STC2: variants seen among roughly 807,000 people sequenced by gnomAD.
STC2 encodes stanniocalcin 2.
A neutral mutation model predicts 22.7 loss-of-function variants in STC2; 7 were observed. The ratio of observed to expected loss-of-function variants is 0.31; its 90% CI spans 0.18 to 0.58. The LOEUF (loss-of-function observed/expected upper bound fraction) is 0.58, where lower values mean the gene tolerates loss of function less well. Ranked by LOEUF, STC2 falls within the 20% of genes least tolerant of loss-of-function variation. The pLI is 0.89. For synonymous variants in STC2, 158 were observed against 163.4 expected (o/e 0.97, Z 0.25); for missense variants, 336 against 406.2 (o/e 0.83, Z 1.48).
intron 1 of STC2, among the ~76,000 whole-genome samples, chr5:173,326,288 T>A (rs1400876962): frequency 6.6e-6 from 1 of 152,204 alleles, no homozygotes; most frequent in Admixed American, 6.5e-5. Flanking sequence ...CTCCTTTTCA[T>A]CCTTTCCATT....
intron 3 of STC2, chr5:173,322,867 C>T: frequency 3.6e-6 from 1 of 276,516 alleles, no homozygotes; most frequent in Non-Finnish European, 7.0e-6. Flanking sequence ...TAGCAATTTG[C>T]TGTCTGTAAG....
Position 173,328,347 on chromosome 5 carries a change from AG to A in STC2, c.-155del. On this transcript the variant is annotated 5_prime_UTR_variant, in exon 1 of 4. Transcript: ENST00000265087. ...CTCCTCGCGGCCGCGGCTCGGATAG[AG>A]GTTACCCAGCGCCCTCCCGTAGCTC... is the stretch of plus-strand genomic sequence containing the variant. 1 of 782,900 alleles carries A rather than the reference AG, an allele frequency of 1.3e-6. No homozygotes were observed. Among genetic ancestry groups the A allele is most frequent in the Non-Finnish European group, 1.8e-6 (1 of 550,242 alleles). 48.5% of individuals were successfully genotyped at this position (782,900 alleles called of 1,614,324 possible).
In STC2 at chr5:173,317,853, C is replaced by T; in HGVS notation, c.903G>A (p.Arg301=). The part of the protein sequence containing the change: ...EDEQSEYSDI[R]R ...CGTGGCCAGGCCTTTCATTTCACCT[C>T]CGGATATCAGAATACTCAGACTGTT... The change falls in exon 4 of 4, where the codon CGG becomes CGA. Residue 301 remains arginine (R), a synonymous_variant. Transcript: ENST00000265087. 6.4e-7 allele frequency: 1 copy of T among 1,560,354 alleles called. No homozygotes were observed.
In STC2 at chr5:173,323,267, G is replaced by C; in HGVS notation, c.458C>G (p.Thr153Ser). The C allele has an allele frequency of 6.2e-7, 1 of 1,614,186 alleles. No homozygotes were observed. Among genetic ancestry groups the C allele is most frequent in the Non-Finnish European group, 8.5e-7 (1 of 1,180,038 alleles). Residue 153 changes from threonine (T) to serine (S), a missense_variant, in exon 3 of 4, where the codon ACC (threonine) becomes AGC (serine). This residue lies in a region of STC2 where 215 missense variants were observed against 231.5 expected (regional missense o/e 0.93). Transcript: ENST00000265087. The surrounding 1 kb of genome is among the most constrained non-coding windows in gnomAD (Gnocchi z 5.4). ...ATGGATCATCTCCACTATCACCCGG[G>C]TGTTCTCCTGGGCAGCCGCGCACAG... is the stretch of plus-strand genomic sequence containing the variant. ...HDLCAAAQENTRVIVEMIHFK... is the reference protein window; with the variant it reads ...HDLCAAAQENSRVIVEMIHFK...
intron 3 of STC2, 45 bp from the exon 4 acceptor site, chr5:173,318,294 GA>G: frequency 2.9e-6 from 4 of 1,370,530 alleles, no homozygotes; most frequent in South Asian, 2.2e-5. Context: ...GAGAGAGAGA[GA>G]GAGAGGCTGG....
chr5:173,325,971 C>G lies in STC2; in HGVS notation c.191G>C (p.Gly64Ala). 1 of 1,614,148 alleles carries G rather than the reference C, an allele frequency of 6.2e-7. No homozygotes were observed. The highest frequency in any genetic ancestry group is 1.3e-5 in the African/African-American group (1 of 75,030). Residue 64 changes from glycine to alanine, a missense_variant, in exon 2 of 4, where the codon GGG (glycine) becomes GCG (alanine). This residue lies in a region of STC2 where 99 missense variants were observed against 122.7 expected (regional missense o/e 0.81). Transcript: ENST00000265087. The surrounding 1 kb of genome is among the most constrained non-coding windows in gnomAD (Gnocchi z 4.7). ...CTCGAAACATTCAAACACGCCACAC[C>G]CCACATCGCCAGCGTTGACCAAACA... The part of the protein sequence containing the change: ...QHCLVNAGDV[G>A]CGVFECFENN...
chr5:173,319,386 T>G (rs1762461208), intron 3 of STC2, among the ~76,000 whole-genome samples: 1 of 152,232 alleles, frequency 6.6e-6, no homozygotes, highest in Non-Finnish European at 1.5e-5. Context: ...TAGGCAGTCC[T>G]CGCTGGCAAA....
In STC2 at chr5:173,315,203, C is replaced by T. The variant is rs1018764452; in HGVS notation, c.*2644G>A. The T allele has an allele frequency of 6.6e-6, 1 of 152,090 alleles. No homozygotes were observed. The highest frequency in any genetic ancestry group is 2.4e-5 in the African/African-American group (1 of 41,478). 9.4% of individuals were successfully genotyped at this position (152,090 alleles called of 1,614,324 possible). On this transcript the variant is annotated 3_prime_UTR_variant, in exon 4 of 4. Transcript: ENST00000265087. ...AGTAAATTTGTATGCAGTATAAAGC[C>T]CAAGTAGAGGGTGTATTTTTAATGA... is the stretch of plus-strand genomic sequence containing the variant.
In STC2 at chr5:173,317,389, C is replaced by T. The variant is rs1435315556; in HGVS notation, c.*458G>A. The stretch of plus-strand genomic sequence containing the variant: ...TCTAAGCGATATTTATTTTTACATT[C>T]ACTCCTGTCCTGGAATCCAGCCGCC... On this transcript the variant is annotated 3_prime_UTR_variant, in exon 4 of 4. Transcript: ENST00000265087. 6.5e-6 allele frequency: 1 copy of T among 153,752 alleles called. No individual in the cohort carries two copies. The highest frequency in any genetic ancestry group is 1.4e-5 in the Non-Finnish European group (1 of 69,032). The allele number at this position is 153,752 out of a possible 1,614,324, so 9.5% of individuals were successfully genotyped here.
intron 2 of STC2, among the ~76,000 whole-genome samples, chr5:173,324,658 G>C (rs1306352518): frequency 1.3e-5 from 2 of 152,206 alleles, no homozygotes; most frequent in Non-Finnish European, 2.9e-5. Context: ...AACTTGAAAG[G>C]GATGTCTCTA....
chr5:173,318,737 G>T (rs934862159), intron 3 of STC2, among the ~76,000 whole-genome samples: 1 of 152,178 alleles, frequency 6.6e-6, no homozygotes, highest in African/African-American at 2.4e-5. Flanking sequence ...AAACCATGAA[G>T]GTTTAGGACC....
At chr5:173,321,117 G>C (rs935437606) in intron 3 of STC2, among the ~76,000 whole-genome samples, 1 of 151,948 alleles carries the variant, frequency 6.6e-6, no homozygotes, top group African/African-American at 2.4e-5. Context: ...AGGCTGGGGT[G>C]GGGGGTCATA....
chr5:173,318,090 G>T lies in STC2; in HGVS notation c.666C>A (p.Pro222=), dbSNP rs575175711. 3.7e-6 allele frequency: 6 copies of T among 1,607,576 alleles called. No individual in the cohort carries two copies. In the African/African-American group the frequency reaches 8.0e-5, roughly 22 times the overall value. Residue 222 remains proline (P), a synonymous_variant, in exon 4 of 4, where the codon CCC becomes CCA. Coordinates refer to ENST00000265087, the MANE Select transcript of STC2 (RefSeq NM_003714.3). ...TGTCCACCTGGGGCTGGCGCTCGGG[G>T]GGCGCCGTGGGAGGCTTCTGGATGG... ...TSAIQKPPTA[P]PERQPQVDRT... is the part of the protein sequence containing the mutation.
In STC2 at chr5:173,323,076, A is replaced by T; in HGVS notation, c.506+143T>A. 1.3e-6 allele frequency: 1 copy of T among 742,358 alleles called. No individual in the cohort carries two copies. Among genetic ancestry groups the T allele is most frequent in the Non-Finnish European group, 2.3e-6 (1 of 436,746 alleles). The allele number at this position is 742,358 out of a possible 1,614,324, so 46.0% of individuals were successfully genotyped here. ...AGGAAAGGGGCCTTTTAGTAGAGTCAGTGTAGCTTTCTGAAGTAAATGGAA... is the reference window on the plus strand; with the variant it reads ...AGGAAAGGGGCCTTTTAGTAGAGTCTGTGTAGCTTTCTGAAGTAAATGGAA... On this transcript the variant is annotated intron_variant, in intron 3 of 3. Coordinates refer to ENST00000265087, the MANE Select transcript of STC2 (RefSeq NM_003714.3). The surrounding 1 kb of genome is among the most constrained non-coding windows in gnomAD (Gnocchi z 5.4).
Position 173,328,075 on chromosome 5 carries a change from T to C in STC2, c.119A>G (p.Gln40Arg), listed in dbSNP as rs1196261289. 6.3e-7 allele frequency: 1 copy of C among 1,592,846 alleles called. No homozygotes were observed. The highest frequency in any genetic ancestry group is 8.5e-7 in the Non-Finnish European group (1 of 1,170,204). Residue 40 changes from glutamine (Q) to arginine (R), a missense_variant, in exon 1 of 4, where the codon CAG (glutamine) becomes CGG (arginine). Gln to Arg is a conservative substitution (Grantham distance 43). Transcript: ENST00000265087. Reference protein sequence around the residue: ...PPEGPQDRSSQQKGRLSLQNT... With the variant: ...PPEGPQDRSSRQKGRLSLQNT... Reference sequence around the variant, plus strand: ...CTGCAGGGACAGGCGGCCTTTCTGCTGGGAGCTCCTGTCTTGGGGACCCTC... The same window carrying C: ...CTGCAGGGACAGGCGGCCTTTCTGCCGGGAGCTCCTGTCTTGGGGACCCTC...
At position 173,317,801 on chromosome 5, in the gene STC2, AAAATGGACGGCGTGGAGG is replaced by A; in HGVS notation, c.*28_*45del. 6.6e-7 allele frequency: 1 copy of A among 1,515,542 alleles called. No individual in the cohort carries two copies. The highest frequency in any genetic ancestry group is 8.9e-7 in the Non-Finnish European group (1 of 1,129,658). 93.9% of individuals were successfully genotyped at this position (1,515,542 alleles called of 1,614,324 possible). A position where few individuals can be genotyped will look rare whatever the true frequency, so the allele number is the denominator to read the frequency against. ...ATGTTTTGGAATGTCCATAGATAAG[AAAATGGACGGCGTGGAGG>A]AAAGATTTCGTGGCCAGGCCTTTCA... On this transcript the variant is annotated 3_prime_UTR_variant, in exon 4 of 4. Coordinates refer to ENST00000265087, the MANE Select transcript of STC2 (RefSeq NM_003714.3).
rs143058338 is a variant in STC2, at chr5:173,325,964, G to A, written c.198C>T (p.Gly66=). The A allele has an allele frequency of 1.0e-4, 164 of 1,614,094 alleles. No individual in the cohort carries two copies. In the African/African-American group the frequency reaches 1.2e-3, roughly 12 times the overall value. ...AGTTGTTCTCGAAACATTCAAACACGCCACACCCCACATCGCCAGCGTTGA... is the reference window on the plus strand; with the variant it reads ...AGTTGTTCTCGAAACATTCAAACACACCACACCCCACATCGCCAGCGTTGA... The part of the protein sequence containing the change: ...CLVNAGDVGC[G]VFECFENNSC... The change falls in exon 2 of 4, where the codon GGC becomes GGT. Residue 66 remains glycine (G), a synonymous_variant. Transcript: ENST00000265087. The surrounding 1 kb of genome is among the most constrained non-coding windows in gnomAD (Gnocchi z 4.7).
Position 173,315,908 on chromosome 5 carries a change from A to G in STC2, c.*1939T>C, listed in dbSNP as rs1307582928. ...AGGTGGGGTTTCCTCCCTTCCCCCAACCAATGATTCCCCTCCCCACCCAAC... is the reference window on the plus strand; with the variant it reads ...AGGTGGGGTTTCCTCCCTTCCCCCAGCCAATGATTCCCCTCCCCACCCAAC... On this transcript the variant is annotated 3_prime_UTR_variant, in exon 4 of 4. Transcript: ENST00000265087. 1 of 152,260 alleles carries G rather than the reference A, an allele frequency of 6.6e-6. No individual in the cohort carries two copies. The highest frequency in any genetic ancestry group is 1.9e-4 in the East Asian group (1 of 5,198). 9.4% of individuals were successfully genotyped at this position (152,260 alleles called of 1,614,324 possible).
At chr5:173,319,860 G>A (rs1762465111) in intron 3 of STC2, among the ~76,000 whole-genome samples, 4 of 152,152 alleles carry the variant, frequency 2.6e-5, no homozygotes. Context: ...GTGCATGGCC[G>A]CTGGGCAAAG....
Sources: gnomAD v4.1 joint callset for allele counts (sites outside exome capture counted in the v4.1 genomes callset) on GRCh38, gnomAD v4.1.1 for gene constraint, gnomAD v4.1.1 regional missense constraint, Gnocchi (gnomAD v3.1) non-coding constraint, MANE v1.5 for transcripts, NCBI Gene and HGNC (gene_info 2026-07-23, HGNC 2026-07-21) for gene names.